Variants in ARHGAP29 observed in about 807,000 individuals in gnomAD.
ARHGAP29 encodes the protein rho GTPase-activating protein 29.
A neutral mutation model predicts 122.6 loss-of-function variants in ARHGAP29; 43 were observed. The observed-to-expected ratio is 0.35, with a 90% CI of 0.27 to 0.45. The LOEUF (loss-of-function observed/expected upper bound fraction) is 0.45, where lower values mean the gene tolerates loss of function less well. ARHGAP29 is among the 20% of genes least tolerant of loss of function. The pLI is 1.00. For synonymous variants in ARHGAP29, 506 were observed against 497.1 expected, an observed-to-expected ratio of 1.02 and a Z score of -0.24; for missense variants, 1,303 against 1,477.2, an observed-to-expected ratio of 0.88 and a Z score of 1.93.
At chr1:94,283,473 A>C in the ARHGAP29 span, among the ~76,000 whole-genome samples, 1 of 152,214 alleles carries the variant, frequency 6.6e-6, no homozygotes, top group Non-Finnish European at 1.5e-5. Flanking sequence ...CCAGTTCAAT[A>C]ATTATTTTTT....
chr1:94,309,317 C>T, the ARHGAP29 span, among the ~76,000 whole-genome samples: 1 of 152,130 alleles, frequency 6.6e-6, no homozygotes, highest in African/African-American at 2.4e-5. Flanking sequence ...GATGGTGGAA[C>T]CAGGACTCAG....
At chr1:94,245,787 T>C (rs752603338) in intron 1 of ARHGAP29, among the ~76,000 whole-genome samples, 1 of 152,184 alleles carries the variant, frequency 6.6e-6, no homozygotes, top group Non-Finnish European at 1.5e-5. Context: ...TCTTAGTGAA[T>C]GCTGAATGAA....
the ARHGAP29 span, among the ~76,000 whole-genome samples, chr1:94,306,474 T>A: frequency 1.8e-4 from 27 of 152,378 alleles, no homozygotes; most frequent in African/African-American, 6.0e-4. Flanking sequence ...CAGACTGTTA[T>A]ATTTCATCTG....
chr1:94,229,194 T>A (rs557332657), intron 2 of ARHGAP29, among the ~76,000 whole-genome samples: 5 of 151,806 alleles, frequency 3.3e-5, no homozygotes, highest in Admixed American at 1.3e-4. Context: ...TATTTCTCAA[T>A]ACCCAGAGAC....
chr1:94,232,129 T>C (rs1433705409), intron 1 of ARHGAP29, among the ~76,000 whole-genome samples: 1 of 152,160 alleles, frequency 6.6e-6, no homozygotes, highest in African/African-American at 2.4e-5. Context: ...AAAGATGAGA[T>C]ATGGGCTTTG....
intron 5 of ARHGAP29, among the ~76,000 whole-genome samples, chr1:94,206,105 A>T (rs1651169397): frequency 6.6e-6 from 1 of 152,188 alleles, no homozygotes; most frequent in Admixed American, 6.5e-5. Context: ...AAAGTCTATT[A>T]CATAGCTTAG....
Position 94,220,273 on chromosome 1 carries a change from T to A in ARHGAP29, c.325A>T (p.Thr109Ser), listed in dbSNP as rs775019727. 1 of 1,613,250 alleles carries A rather than the reference T, an allele frequency of 6.2e-7. No individual in the cohort carries two copies. Among genetic ancestry groups the A allele is most frequent in the Non-Finnish European group, 8.5e-7 (1 of 1,179,648 alleles). ...VDLQNAAEML[T>S]AKVKAVNFTE... The stretch of plus-strand genomic sequence containing the variant: ...TCTTCCTTACCTTTCACTTTTGCAG[T>A]GAGCATTTCTGCAGCATTTTGAAGA... The change falls in exon 3 of 23, where the codon ACT becomes TCT. Residue 109 changes from threonine (T) to serine (S), a missense_variant. This residue lies in a region of ARHGAP29 where 592 missense variants were observed against 648.2 expected (regional missense o/e 0.91). Transcript: ENST00000260526.
intron 2 of ARHGAP29, among the ~76,000 whole-genome samples, chr1:94,230,870 A>G (rs1652883280): frequency 6.6e-6 from 1 of 151,848 alleles, no homozygotes; most frequent in African/African-American, 2.4e-5. Context: ...ATGCTCCATT[A>G]TTCATTTCTA....
At chr1:94,309,202 T>C in the ARHGAP29 span, among the ~76,000 whole-genome samples, 1 of 152,194 alleles carries the variant, frequency 6.6e-6, no homozygotes, top group Non-Finnish European at 1.5e-5. Flanking sequence ...TATTTCATAG[T>C]CACAACAAAC....
At chr1:94,282,975 C>T in the ARHGAP29 span, among the ~76,000 whole-genome samples, 1 of 152,172 alleles carries the variant, frequency 6.6e-6, no homozygotes, top group South Asian at 2.1e-4. Context: ...ATCCCTCCTA[C>T]TCTCTCTTGA....
the ARHGAP29 span, among the ~76,000 whole-genome samples, chr1:94,291,429 T>C: frequency 6.6e-6 from 1 of 152,234 alleles, no homozygotes; most frequent in South Asian, 2.1e-4. Context: ...TGTCTTTTAA[T>C]TGGGGCATTT....
intron 16 of ARHGAP29, among the ~76,000 whole-genome samples, chr1:94,186,045 A>G (rs1055088524): frequency 2.6e-5 from 4 of 152,184 alleles, no homozygotes; most frequent in Admixed American, 2.6e-4. Context: ...TATGAATCTA[A>G]TTCAAGTCGT....
At chr1:94,270,635 TG>T (rs1654952779) in intron 1 of ARHGAP29, among the ~76,000 whole-genome samples, 1 of 152,180 alleles carries the variant, frequency 6.6e-6, no homozygotes, top group African/African-American at 2.4e-5. Context: ...CTCCCTCAGT[TG>T]GCACCTATGC....
At chr1:94,290,135 T>G in the ARHGAP29 span, among the ~76,000 whole-genome samples, 1 of 152,172 alleles carries the variant, frequency 6.6e-6, no homozygotes, top group Non-Finnish European at 1.5e-5. Flanking sequence ...CTTTTTTTGG[T>G]TGGTAGGCTA....
chr1:94,213,805 G>C (rs908565913), intron 3 of ARHGAP29, among the ~76,000 whole-genome samples: 1 of 152,190 alleles, frequency 6.6e-6, no homozygotes, highest in Non-Finnish European at 1.5e-5. Context: ...GAACTGTTGT[G>C]AAGATTAAAT....
chr1:94,278,899 A>G (rs1009410627), upstream of ARHGAP29, among the ~76,000 whole-genome samples: 5 of 152,320 alleles, frequency 3.3e-5, no homozygotes, highest in South Asian at 4.1e-4. Flanking sequence ...CCCCTGGTAT[A>G]ACTCCTGTTC....
chr1:94,233,251 C>A (rs780913324), intron 1 of ARHGAP29, among the ~76,000 whole-genome samples: 10 of 152,080 alleles, frequency 6.6e-5, no homozygotes, highest in Non-Finnish European at 1.3e-4. Context: ...CCATGCCTGG[C>A]CCACTAGGAA....
At chr1:94,208,479 A>G (rs1287290147) in intron 5 of ARHGAP29, among the ~76,000 whole-genome samples, 1 of 150,288 alleles carries the variant, frequency 6.7e-6, no homozygotes, top group Non-Finnish European at 1.5e-5. Context: ...TTTTTTTTGG[A>G]GACAGAGTCT....
intron 5 of ARHGAP29, among the ~76,000 whole-genome samples, chr1:94,207,378 C>A (rs774996603): frequency 4.6e-5 from 7 of 151,770 alleles, no homozygotes; most frequent in Non-Finnish European, 8.8e-5. Context: ...ATCATCACAG[C>A]TTTTTTATTC....
Sources: allele counts gnomAD v4.1 joint callset (sites outside exome capture counted in the v4.1 genomes callset), GRCh38; gene constraint gnomAD v4.1.1; regional missense constraint gnomAD v4.1.1; transcripts MANE v1.5; gene names NCBI Gene and HGNC (gene_info 2026-07-23, HGNC 2026-07-21).